Variants in GPC5 observed in about 807,000 individuals in gnomAD.
GPC5 encodes glypican 5, also known as glypican-5.
In GPC5, 47 loss-of-function variants were observed where a neutral mutation model predicts 53.9. The observed-to-expected ratio is 0.87, with a 90% CI of 0.69 to 1.11. The LOEUF is 1.11. GPC5 is among the 50% of genes most tolerant of loss of function. GPC5 has a pLI of 0.00. For synonymous variants in GPC5, 286 were observed against 263.3 expected (o/e 1.09, Z -0.84); for missense variants, 748 against 713.1 (o/e 1.05, Z -0.56).
In GPC5 at chr13:92,131,439, G is replaced by C. The variant is rs112631386; in HGVS notation, c.1402-13391G>C. Among the ~76,000 whole-genome samples, 1,512 of 151,984 alleles carry C rather than the reference G, an allele frequency of 9.9e-3. 26 individuals carry two copies. Among genetic ancestry groups the C allele is most frequent in the African/African-American group, 0.033 (1,383 of 41,486 alleles). ...TATAGTAGCCCAAAATTAGAAACAG[G>C]TGAATCATCTAATAACACAGTTATA... On this transcript the variant is annotated intron_variant, in intron 6 of 7. Transcript: ENST00000377067.
chr13:92,734,073 T>C (rs886341861), intron 7 of GPC5, among the ~76,000 whole-genome samples: 5 of 151,878 alleles, frequency 3.3e-5, no homozygotes, highest in African/African-American at 1.2e-4. Context: ...AAATCTCTAC[T>C]CAGATTTTTC....
intron 6 of GPC5, among the ~76,000 whole-genome samples, chr13:92,138,249 A>C (rs1387392159): frequency 6.6e-6 from 1 of 152,140 alleles, no homozygotes; most frequent in Non-Finnish European, 1.5e-5. Flanking sequence ...GGCCAGGCGC[A>C]GTGGCTCACA....
chr13:92,326,492 A>G (rs1037143835), intron 7 of GPC5, among the ~76,000 whole-genome samples: 1 of 152,206 alleles, frequency 6.6e-6, no homozygotes, highest in South Asian at 2.1e-4. Context: ...AAACTCATAA[A>G]TCTATTAGTC....
rs1400535207 is a variant in GPC5, at chr13:91,975,241, A to G, written c.1401+67184A>G. Reference sequence around the variant, plus strand: ...ACTTCATGTCTAAAACACCAAAAGCAATGGCAACAAAAGCCAAAATTGACA... The same window carrying G: ...ACTTCATGTCTAAAACACCAAAAGCGATGGCAACAAAAGCCAAAATTGACA... On this transcript the variant is annotated intron_variant, in intron 6 of 7. Transcript: ENST00000377067. Among the ~76,000 whole-genome samples the G allele has an allele frequency of 5.3e-5, 8 of 152,234 alleles. No homozygotes were observed. The South Asian group carries it at 6.2e-4, about 12-fold the overall frequency.
intron 7 of GPC5, among the ~76,000 whole-genome samples, chr13:92,245,024 C>A (rs868147339): frequency 1.5e-5 from 2 of 134,920 alleles, no homozygotes; most frequent in Non-Finnish European, 3.1e-5. Flanking sequence ...GGTGACAAAG[C>A]GAGACTCCAT....
chr13:92,322,179 C>G (rs774240617), intron 7 of GPC5, among the ~76,000 whole-genome samples: 3 of 151,730 alleles, frequency 2.0e-5, no homozygotes. Flanking sequence ...GGTTAAATAA[C>G]TTGTACAGGT....
At chr13:91,589,644 A>G (rs1176551218) in intron 2 of GPC5, among the ~76,000 whole-genome samples, 3 of 152,134 alleles carry the variant, frequency 2.0e-5, no homozygotes, top group African/African-American at 7.2e-5. Context: ...GTACTGATTG[A>G]CAAAGGGTAC....
intron 7 of GPC5, among the ~76,000 whole-genome samples, chr13:92,323,730 T>A (rs535689161): frequency 3.4e-4 from 52 of 151,854 alleles, no homozygotes; most frequent in African/African-American, 1.3e-3. Flanking sequence ...AAGAATAGAG[T>A]TTGTAAAATC....
At position 92,525,948 on chromosome 13, in the gene GPC5, C is replaced by T. The variant is rs1881265200; in HGVS notation, c.1562-340334C>T. ...TGAATGTCTCTTTACTACCTTGATG[C>T]TCTATCAGATATCATTGCAATTTCT... On this transcript the variant is annotated intron_variant, in intron 7 of 7. Transcript: ENST00000377067. Among the ~76,000 whole-genome samples, 3 of 152,124 alleles carry T rather than the reference C, an allele frequency of 2.0e-5. No individual in the cohort carries two copies. In the South Asian group the frequency reaches 6.2e-4, roughly 31 times the overall value.
chr13:91,898,328 A>G (rs2039464436), intron 5 of GPC5, among the ~76,000 whole-genome samples: 1 of 152,176 alleles, frequency 6.6e-6, no homozygotes, highest in Admixed American at 6.5e-5. Context: ...TGCAGATACT[A>G]TTTTATTAAC....
intron 4 of GPC5, among the ~76,000 whole-genome samples, chr13:91,755,607 A>T (rs2037272886): frequency 6.6e-6 from 1 of 152,074 alleles, no homozygotes; most frequent in African/African-American, 2.4e-5. Flanking sequence ...TTGTTGTTGA[A>T]TTTTTCCTCT....
At chr13:91,740,499 G>A (rs2036908830) in intron 4 of GPC5, among the ~76,000 whole-genome samples, 2 of 152,072 alleles carry the variant, frequency 1.3e-5, no homozygotes, top group Admixed American at 1.3e-4. Context: ...GGAGAGAGGG[G>A]AGCTAAACCA....
chr13:92,166,166 G>A (rs1438616427), intron 7 of GPC5, among the ~76,000 whole-genome samples: 3 of 152,178 alleles, frequency 2.0e-5, no homozygotes, highest in Admixed American at 6.5e-5. Flanking sequence ...GAACATTAAT[G>A]TTCAGTGATA....
chr13:91,426,412 T>G (rs1194143737), intron 1 of GPC5, among the ~76,000 whole-genome samples: 1 of 152,078 alleles, frequency 6.6e-6, no homozygotes, highest in Non-Finnish European at 1.5e-5. Flanking sequence ...AGGAGAGATG[T>G]ATATATAAAA....
intron 2 of GPC5, among the ~76,000 whole-genome samples, chr13:91,519,199 A>T (rs17405729): frequency 4.6e-5 from 7 of 152,166 alleles, no homozygotes; most frequent in Non-Finnish European, 1.0e-4. Context: ...GCAATGTCCA[A>T]TCACTGTACC....
chr13:92,085,862 G>A (rs950501081), intron 6 of GPC5, among the ~76,000 whole-genome samples: 3 of 152,110 alleles, frequency 2.0e-5, no homozygotes, highest in African/African-American at 4.8e-5. Context: ...AGGAGCTCAG[G>A]GGGTAACAAG....
intron 7 of GPC5, among the ~76,000 whole-genome samples, chr13:92,604,391 TA>T (rs567922591): frequency 2.6e-4 from 39 of 152,250 alleles, no homozygotes; most frequent in African/African-American, 9.4e-4. Context: ...GCTACACAAA[TA>T]AAATAAAAGA....
At chr13:91,914,149 A>G (rs2039636660) in intron 6 of GPC5, among the ~76,000 whole-genome samples, 1 of 152,212 alleles carries the variant, frequency 6.6e-6, no homozygotes, top group South Asian at 2.1e-4. Context: ...AATGACATCT[A>G]TCATTTTTCA....
intron 7 of GPC5, among the ~76,000 whole-genome samples, chr13:92,321,639 ACATACAT>A: frequency 7.7e-6 from 1 of 129,554 alleles, no homozygotes; most frequent in East Asian, 2.4e-4. Flanking sequence ...ATACATACAT[ACATACAT>A]ACAATAGAAT....
Sources: allele counts gnomAD v4.1 joint callset (sites outside exome capture counted in the v4.1 genomes callset), GRCh38; gene constraint gnomAD v4.1.1; transcripts MANE v1.5; gene names NCBI Gene and HGNC (gene_info 2026-07-23, HGNC 2026-07-21).